Variants in ARHGAP21 observed in about 807,000 individuals in gnomAD.
ARHGAP21 encodes the protein rho GTPase-activating protein 21.
ARHGAP21 carries 38 observed loss-of-function variants against 164.6 expected under a neutral mutation model. That is an observed-to-expected ratio of 0.23 (90% CI 0.18 to 0.30). The LOEUF (loss-of-function observed/expected upper bound fraction) is 0.30, where lower values mean the gene tolerates loss of function less well. ARHGAP21 is among the 10% of genes least tolerant of loss of function. The pLI, the probability that ARHGAP21 is intolerant of heterozygous loss-of-function variation, is 1.00. For synonymous variants in ARHGAP21, 766 were observed against 857.9 expected, an observed-to-expected ratio of 0.89 and a Z score of 1.87; for missense variants, 1,822 against 2,370.7, an observed-to-expected ratio of 0.77 and a Z score of 4.81.
chr10:24,619,345 G>T, intron 9 of ARHGAP21, 128 bp downstream of exon 9: 3 of 919,322 alleles, frequency 3.3e-6, no homozygotes, highest in South Asian at 3.8e-5. Context: ...CACAGCTTAT[G>T]AGATTCACTA....
chr10:24,719,857 T>C (rs756478644), intron 2 of ARHGAP21, among the ~76,000 whole-genome samples: 5 of 152,332 alleles, frequency 3.3e-5, no homozygotes, highest in Non-Finnish European at 5.9e-5. Context: ...AGGCAATAAT[T>C]ACACAAGTTC....
chr10:24,622,829 A>T lies in ARHGAP21; in HGVS notation c.496-67T>A, dbSNP rs933410002. The T allele has an allele frequency of 5.0e-5, 75 of 1,515,038 alleles. No homozygotes were observed. The Admixed American group carries it at 1.4e-3, about 28-fold the overall frequency. 93.8% of individuals were successfully genotyped at this position (1,515,038 alleles called of 1,614,324 possible). ...TATAAAGACAAAATCATGTTGTCAT[A>T]TTGATGCTGGAAACGGCAAGCTAAA... On this transcript the variant is annotated intron_variant, in intron 7 of 25. Coordinates refer to ENST00000396432, the MANE Select transcript of ARHGAP21 (RefSeq NM_020824.4).
At position 24,584,149 on chromosome 10, in the gene ARHGAP21, T is replaced by G. The variant is rs17173421; in HGVS notation, c.*263A>C. ...TGCCAGCGATTTTCTTCAGTGATTT[T>G]GGGTATATGCTATGTAGTAAGTTGC... On this transcript the variant is annotated 3_prime_UTR_variant, in exon 26 of 26. Transcript: ENST00000396432. 1,118 of 174,284 alleles carry G rather than the reference T, an allele frequency of 6.4e-3. 12 individuals carry two copies. Among genetic ancestry groups the G allele is most frequent in the Non-Finnish European group, 0.011 (883 of 83,608 alleles). The allele number at this position is 174,284 out of a possible 1,614,324, so 10.8% of individuals were successfully genotyped here.
At chr10:24,591,088 T>TA in intron 24 of ARHGAP21, 137 bp downstream of exon 24, 1 of 987,508 alleles carries the variant, frequency 1.0e-6, no homozygotes, top group Non-Finnish European at 1.4e-6. Flanking sequence ...AAAGGAAGAT[T>TA]AAGGTTTTTT....
Position 24,591,633 on chromosome 10 carries a change from A to G in ARHGAP21, c.4044+9T>C. The G allele has an allele frequency of 6.2e-7, 1 of 1,613,882 alleles. No homozygotes were observed. Among genetic ancestry groups the G allele is most frequent in the Admixed American group, 1.7e-5 (1 of 60,016 alleles). On this transcript the variant is annotated intron_variant, in intron 23 of 25. Transcript: ENST00000396432. Reference sequence around the variant, plus strand: ...CTACTGAGTACAAATGCTGACAGACAATACTTACAAGAGGCTCTTCAGCAC... The same window carrying G: ...CTACTGAGTACAAATGCTGACAGACGATACTTACAAGAGGCTCTTCAGCAC...
intron 24 of ARHGAP21, chr10:24,590,249 C>A (rs2076274411): frequency 6.8e-7 from 1 of 1,480,996 alleles, no homozygotes; most frequent in Non-Finnish European, 8.9e-7. Context: ...TAACAAGAAA[C>A]AGCAGAAAAA....
At chr10:24,700,154 C>G (rs1243304892) in intron 2 of ARHGAP21, among the ~76,000 whole-genome samples, 1 of 152,184 alleles carries the variant, frequency 6.6e-6, no homozygotes, top group Non-Finnish European at 1.5e-5. Context: ...CTCTCACCTG[C>G]AAGATCCACC....
In ARHGAP21 at chr10:24,702,700, C is replaced by T. The variant is rs185347835; in HGVS notation, c.63+19137G>A. 3.2e-4 allele frequency among the ~76,000 whole-genome samples: 48 copies of T among 152,196 alleles called. 2 individuals are homozygous for T. The highest frequency in any genetic ancestry group is 1.0e-3 in the African/African-American group (42 of 41,540). ...TTCCCCGGCTCAAGCAATTGCCCCA[C>T]CTCAGCCTCCCAAATATCTGGGACT... is the stretch of plus-strand genomic sequence containing the variant. On this transcript the variant is annotated intron_variant, in intron 2 of 25. Coordinates refer to ENST00000396432, the MANE Select transcript of ARHGAP21 (RefSeq NM_020824.4).
At chr10:24,667,204 A>C (rs1403683748) in intron 3 of ARHGAP21, among the ~76,000 whole-genome samples, 195 bp from the exon 4 acceptor site, 6 of 152,204 alleles carry the variant, frequency 3.9e-5, no homozygotes, top group African/African-American at 1.4e-4. Context: ...GCCCATCTTC[A>C]ATAACAGTAT....
At chr10:24,646,967 T>C (rs906673498) in intron 4 of ARHGAP21, among the ~76,000 whole-genome samples, 3 of 152,234 alleles carry the variant, frequency 2.0e-5, no homozygotes, top group African/African-American at 7.2e-5. Context: ...GAAATTAATA[T>C]TCTGCAGAAC....
chr10:24,612,748 G>A (rs990502571), intron 9 of ARHGAP21, among the ~76,000 whole-genome samples: 4 of 152,064 alleles, frequency 2.6e-5, no homozygotes, highest in South Asian at 2.1e-4. Flanking sequence ...CCAGCTACTC[G>A]GGAGGCTGAG....
intron 2 of ARHGAP21, among the ~76,000 whole-genome samples, chr10:24,709,879 A>G (rs1339355217): frequency 2.0e-5 from 3 of 152,334 alleles, no homozygotes; most frequent in African/African-American, 7.2e-5. Flanking sequence ...ACCGTACTGC[A>G]AGCTCAACTC....
At chr10:24,636,710 C>T (rs900620445) in intron 4 of ARHGAP21, among the ~76,000 whole-genome samples, 5 of 152,154 alleles carry the variant, frequency 3.3e-5, no homozygotes, top group East Asian at 1.9e-4. Flanking sequence ...TTCTGAAAGA[C>T]GCCCTCCAAA....
intron 2 of ARHGAP21, chr10:24,706,587 C>G (rs1376804588): frequency 6.6e-6 from 1 of 152,640 alleles, no homozygotes; most frequent in African/African-American, 2.4e-5. Context: ...AAATCCTGAA[C>G]TGGGCCATGA....
At chr10:24,696,294 CAG>C (rs1843169350) in intron 2 of ARHGAP21, among the ~76,000 whole-genome samples, 2 of 152,158 alleles carry the variant, frequency 1.3e-5, no homozygotes, top group African/African-American at 4.8e-5. Flanking sequence ...GAAAGTGGCC[CAG>C]AGAGACAGAA....
chr10:24,708,513 G>A (rs185873551), intron 2 of ARHGAP21, among the ~76,000 whole-genome samples: 49 of 152,150 alleles, frequency 3.2e-4, no homozygotes, highest in African/African-American at 1.1e-3. Flanking sequence ...TTGGCTTTTC[G>A]TATATTTATC....
chr10:24,650,736 T>C (rs4147179), intron 4 of ARHGAP21, among the ~76,000 whole-genome samples: 80,361 of 151,992 alleles, frequency 0.53, 21,365 homozygotes, highest in Middle Eastern at 0.58. Context: ...CCATGAATAA[T>C]AGCCAGAAAA....
chr10:24,689,115 C>A (rs1013962933), intron 2 of ARHGAP21, among the ~76,000 whole-genome samples: 17 of 152,106 alleles, frequency 1.1e-4, no homozygotes, highest in African/African-American at 4.1e-4. Flanking sequence ...AATACAGACA[C>A]TGAGTCCCTG....
chr10:24,645,763 A>G (rs1593149095), intron 4 of ARHGAP21, among the ~76,000 whole-genome samples: 1 of 152,334 alleles, frequency 6.6e-6, no homozygotes, highest in East Asian at 1.9e-4. Context: ...CTGGGCTTTA[A>G]GAGATAAAGA....
Sources: gnomAD v4.1 joint callset for allele counts (sites outside exome capture counted in the v4.1 genomes callset) on GRCh38, gnomAD v4.1.1 for gene constraint, MANE v1.5 for transcripts, NCBI Gene and HGNC (gene_info 2026-07-23, HGNC 2026-07-21) for gene names.